Variants in ATRNL1 observed in about 807,000 individuals in gnomAD.
ATRNL1 encodes attractin-like protein 1.
In ATRNL1, 95 loss-of-function variants were observed where a neutral mutation model predicts 182.7. The ratio of observed to expected loss-of-function variants is 0.52; its 90% CI spans 0.44 to 0.62. ATRNL1 has a LOEUF of 0.62. ATRNL1 is among the 20% of genes least tolerant of loss of function. The pLI is 0.00. For synonymous variants in ATRNL1, 576 were observed against 568.3 expected (o/e 1.01, Z -0.19); for missense variants, 1,471 against 1,679.5 (o/e 0.88, Z 2.17).
chr10:115,178,727 C>T (rs1404270444), intron 8 of ATRNL1, among the ~76,000 whole-genome samples: 2 of 152,040 alleles, frequency 1.3e-5, no homozygotes, highest in African/African-American at 4.8e-5. Flanking sequence ...CATCCTTCCA[C>T]CATGTGAGGA....
At chr10:115,119,864 A>C (rs766857771) in intron 1 of ATRNL1, among the ~76,000 whole-genome samples, 8 of 152,098 alleles carry the variant, frequency 5.3e-5, no homozygotes, top group Non-Finnish European at 1.0e-4. Context: ...ATTTTTGTGC[A>C]GATGAAGTTT....
In ATRNL1 at chr10:115,232,685, T is replaced by TTGTG. The variant is rs141712079; in HGVS notation, c.1533-8870_1533-8867dup. Among the ~76,000 whole-genome samples the TTGTG allele has an allele frequency of 8.0e-5, 12 of 150,158 alleles. No individual in the cohort carries two copies. In the East Asian group the frequency reaches 9.7e-4, roughly 12 times the overall value. On this transcript the variant is annotated intron_variant, in intron 9 of 28. Transcript: ENST00000355044. ...CTTTAACCCAACTGGATAAGGACTT[T>TTGTG]TGTGTGTGTGTGTGTGTGTATGTGT...
In ATRNL1 at chr10:115,547,117, T is replaced by G. The variant is rs184343619; in HGVS notation, c.3717-2341T>G. ...AAAAATACAAAAAAATTAGCTGAGGTGGTGGCATGCACCTGTAATCCTAGC... is the reference window on the plus strand; with the variant it reads ...AAAAATACAAAAAAATTAGCTGAGGGGGTGGCATGCACCTGTAATCCTAGC... On this transcript the variant is annotated intron_variant, in intron 25 of 28. Coordinates refer to ENST00000355044, the MANE Select transcript of ATRNL1 (RefSeq NM_207303.4). Among the ~76,000 whole-genome samples, 244 of 151,802 alleles carry G rather than the reference T, an allele frequency of 1.6e-3. 3 individuals carry two copies. The highest frequency in any genetic ancestry group is 0.015 in the Admixed American group (231 of 15,250).
intron 19 of ATRNL1, among the ~76,000 whole-genome samples, chr10:115,337,350 T>C (rs1046832862): frequency 3.3e-5 from 5 of 152,144 alleles, no homozygotes; most frequent in African/African-American, 1.2e-4. Flanking sequence ...ATTACACTCT[T>C]TAAGTTATTT....
At chr10:115,904,461 G>A (rs1221652407) in intron 28 of ATRNL1, among the ~76,000 whole-genome samples, 5 of 152,128 alleles carry the variant, frequency 3.3e-5, no homozygotes, top group African/African-American at 4.8e-5. Flanking sequence ...ATTCTCCCAG[G>A]GCCAACTAAT....
At chr10:115,396,747 C>T (rs1406099062) in intron 20 of ATRNL1, among the ~76,000 whole-genome samples, 1 of 151,768 alleles carries the variant, frequency 6.6e-6, no homozygotes, top group African/African-American at 2.4e-5. Flanking sequence ...TATAACTATC[C>T]ATAATAAATA....
At chr10:115,678,482 A>G (rs1034939) in intron 26 of ATRNL1, among the ~76,000 whole-genome samples, 31,341 of 152,054 alleles carry the variant, frequency 0.21, 3,512 homozygotes, top group Non-Finnish European at 0.25. Context: ...GTAAATCATC[A>G]TTACATTTTC....
At chr10:115,463,513 AT>A (rs781902609) in intron 22 of ATRNL1, among the ~76,000 whole-genome samples, 1 of 152,116 alleles carries the variant, frequency 6.6e-6, no homozygotes, top group Non-Finnish European at 1.5e-5. Flanking sequence ...TTGTAGTAAA[AT>A]AGACATAAAA....
chr10:115,571,681 T>C (rs1479465279), intron 26 of ATRNL1, among the ~76,000 whole-genome samples: 1 of 152,170 alleles, frequency 6.6e-6, no homozygotes, highest in African/African-American at 2.4e-5. Flanking sequence ...CTGGAGAAAA[T>C]AGCTTGGTAT....
At chr10:115,852,974 A>G (rs1280488063) in intron 28 of ATRNL1, among the ~76,000 whole-genome samples, 7 of 152,166 alleles carry the variant, frequency 4.6e-5, no homozygotes, top group African/African-American at 1.7e-4. Flanking sequence ...CACAAGCCCT[A>G]AGATCTAGAC....
At chr10:115,747,059 G>A (rs1277519112) in intron 27 of ATRNL1, among the ~76,000 whole-genome samples, 1 of 152,086 alleles carries the variant, frequency 6.6e-6, no homozygotes, top group Admixed American at 6.6e-5. Flanking sequence ...CAATTATAAG[G>A]CAGATGAGAT....
At chr10:115,621,309 AGAGAGTGT>A (rs1228416416) in intron 26 of ATRNL1, among the ~76,000 whole-genome samples, 2 of 119,380 alleles carry the variant, frequency 1.7e-5, no homozygotes, top group East Asian at 2.3e-4. Flanking sequence ...AGAGAGAGAG[AGAGAGTGT>A]GTGAGTGAGT....
At chr10:115,629,543 G>A (rs116088908) in intron 26 of ATRNL1, among the ~76,000 whole-genome samples, 2 of 152,264 alleles carry the variant, frequency 1.3e-5, no homozygotes, top group Admixed American at 1.3e-4. Context: ...TTAAGAGAAA[G>A]TATAGGAAGC....
chr10:115,858,061 A>G (rs1951227151), intron 28 of ATRNL1, among the ~76,000 whole-genome samples: 1 of 152,232 alleles, frequency 6.6e-6, no homozygotes, highest in Admixed American at 6.5e-5. Flanking sequence ...TTGAAGCAAC[A>G]AAACAACAAA....
chr10:115,481,678 T>C lies in ATRNL1; in HGVS notation c.3654+12349T>C, dbSNP rs573706801. On this transcript the variant is annotated intron_variant, in intron 24 of 28. Coordinates refer to ENST00000355044, the MANE Select transcript of ATRNL1 (RefSeq NM_207303.4). ...TATTAAGGCTGAACATTTTTCTATT[T>C]ATAAAATATTTACTGAGAAGAATTT... Among the ~76,000 whole-genome samples the C allele has an allele frequency of 2.5e-4, 38 of 150,972 alleles. No homozygotes were observed. In the South Asian group the frequency reaches 6.9e-3, roughly 27 times the overall value.
chr10:115,253,546 A>C (rs1554905885), intron 10 of ATRNL1, among the ~76,000 whole-genome samples: 1 of 152,090 alleles, frequency 6.6e-6, no homozygotes, highest in African/African-American at 2.4e-5. Context: ...ACACCAAATA[A>C]AAATTTATTT....
At chr10:115,364,142 T>C (rs1554945150) in intron 19 of ATRNL1, among the ~76,000 whole-genome samples, 1 of 144,888 alleles carries the variant, frequency 6.9e-6, no homozygotes, top group East Asian at 2.0e-4. Context: ...TGATTCTTCC[T>C]ACCCGTGAGC....
intron 9 of ATRNL1, among the ~76,000 whole-genome samples, chr10:115,232,011 T>G (rs1161262071): frequency 1.3e-5 from 2 of 152,212 alleles, no homozygotes; most frequent in Non-Finnish European, 2.9e-5. Flanking sequence ...TTTTATATTT[T>G]CTGCCTTACT....
At chr10:115,302,161 C>A in intron 17 of ATRNL1, 118 bp downstream of exon 17, 1 of 1,031,434 alleles carries the variant, frequency 9.7e-7, no homozygotes, top group Non-Finnish European at 1.4e-6. Flanking sequence ...AATATTGTTA[C>A]GGCTACTTTT....
Sources: allele counts gnomAD v4.1 joint callset (sites outside exome capture counted in the v4.1 genomes callset), GRCh38; gene constraint gnomAD v4.1.1; transcripts MANE v1.5; gene names NCBI Gene and HGNC (gene_info 2026-07-23, HGNC 2026-07-21).